Variants in TLN2 observed in about 807,000 individuals in gnomAD.
The protein encoded by TLN2 is talin 2, also known as talin-2.
A neutral mutation model predicts 294.7 loss-of-function variants in TLN2; 118 were observed. That is an observed-to-expected ratio of 0.40 (90% confidence interval 0.34 to 0.47). TLN2 has a LOEUF of 0.47. Ranked by LOEUF, TLN2 falls within the 20% of genes least tolerant of loss-of-function variation. TLN2 has a pLI of 0.84. For synonymous variants in TLN2, 1,431 were observed against 1,304.5 expected (o/e 1.10, Z -2.09); for missense variants, 3,083 against 3,282.2 (o/e 0.94, Z 1.48).
chr15:62,707,274 G>T, intron 20 of TLN2, 21 bp downstream of exon 20: 1 of 1,597,400 alleles, frequency 6.3e-7, no homozygotes, highest in Non-Finnish European at 8.6e-7. Flanking sequence ...TGGCACCCCA[G>T]CCCTTTCTAC....
chr15:62,580,845 C>CA (rs2044908114), intron 1 of TLN2, among the ~76,000 whole-genome samples: 1 of 75,806 alleles, frequency 1.3e-5, no homozygotes, highest in Non-Finnish European at 3.4e-5. Flanking sequence ...TTCCTGCCTT[C>CA]GCCCCGCCCC....
Position 62,722,475 on chromosome 15 carries a change from C to T in TLN2, c.3114C>T (p.Thr1038=), listed in dbSNP as rs750014835. ...CCACCAGCTTGGCGGAGCTGCGTAC[C>T]GCCTCGCAGAAGGCAAGTGGAGCGT... is the stretch of plus-strand genomic sequence containing the variant. ...NLATSLAELR[T]ASQKAHEACG... Residue 1038 remains threonine, a synonymous_variant, in exon 26 of 59, where the codon ACC becomes ACT. Transcript: ENST00000636159. The T allele has an allele frequency of 2.0e-5, 32 of 1,610,664 alleles. No individual in the cohort carries two copies. The East Asian group carries it at 2.5e-4, about 12-fold the overall frequency.
At chr15:62,736,794 G>A in intron 28 of TLN2, 84 bp from the exon 29 acceptor site, 1 of 1,442,822 alleles carries the variant, frequency 6.9e-7, no homozygotes, top group Non-Finnish European at 9.5e-7. Context: ...TCTGTGCCAG[G>A]CCCTGGTCCA....
chr15:62,771,162 T>C, intron 42 of TLN2, 28 bp downstream of exon 42: 1 of 1,564,798 alleles, frequency 6.4e-7, no homozygotes, highest in Non-Finnish European at 8.7e-7. Flanking sequence ...GGGGACTCAC[T>C]TAGGACCACT....
At chr15:62,529,158 A>G (rs2040899653) in intron 1 of TLN2, among the ~76,000 whole-genome samples, 1 of 151,672 alleles carries the variant, frequency 6.6e-6, no homozygotes, top group African/African-American at 2.4e-5. Context: ...TGGTGGCATG[A>G]TCATGACTCC....
intron 11 of TLN2, among the ~76,000 whole-genome samples, chr15:62,679,606 GTTT>G (rs2056611715): frequency 6.6e-6 from 1 of 152,236 alleles, no homozygotes; most frequent in Non-Finnish European, 1.5e-5. Context: ...TTGCTTAAGA[GTTT>G]GGTGTGGGAG....
intron 28 of TLN2, chr15:62,733,971 G>A (rs1186077896): frequency 1.3e-5 from 2 of 152,174 alleles, no homozygotes; most frequent in Admixed American, 6.5e-5. Context: ...ACCGCCATGG[G>A]TGTTCACTGG....
chr15:62,411,428 G>GTTGTGTGTGT, intron 1 of TLN2, among the ~76,000 whole-genome samples: 1 of 71,776 alleles, frequency 1.4e-5, no homozygotes, highest in Non-Finnish European at 3.1e-5. Context: ...GTGAGTAATG[G>GTTGTGTGTGT]ATGTGTGTGT....
At chr15:62,547,006 C>G (rs28622008) in intron 1 of TLN2, among the ~76,000 whole-genome samples, 8,479 of 152,214 alleles carry the variant, frequency 0.056, 423 homozygotes, top group African/African-American at 0.13. Context: ...CAGCGTTAAT[C>G]AGGGAGGAAA....
chr15:62,641,579 C>T (rs1019058897), intron 3 of TLN2, among the ~76,000 whole-genome samples: 4 of 151,892 alleles, frequency 2.6e-5, no homozygotes, highest in East Asian at 1.9e-4. Flanking sequence ...CCCGAGATTG[C>T]GCCACTGCAT....
intron 53 of TLN2, 132 bp from the exon 54 acceptor site, chr15:62,820,354 A>G: frequency 2.1e-6 from 1 of 466,120 alleles, no homozygotes; most frequent in Non-Finnish European, 3.1e-6. Flanking sequence ...AGACGGAAGG[A>G]AGGTTCCTTA....
At chr15:62,545,175 T>C (rs1483411834) in intron 1 of TLN2, among the ~76,000 whole-genome samples, 2 of 152,032 alleles carry the variant, frequency 1.3e-5, no homozygotes, top group African/African-American at 4.8e-5. Context: ...CCTGACCTCA[T>C]GATCTGCCCA....
intron 48 of TLN2, among the ~76,000 whole-genome samples, chr15:62,798,778 C>CCATG (rs2065710868): frequency 6.6e-6 from 1 of 152,228 alleles, no homozygotes; most frequent in Non-Finnish European, 1.5e-5. Context: ...CTGACAGCAC[C>CCATG]CATGAGTGGA....
intron 57 of TLN2, 69 bp from the exon 58 acceptor site, chr15:62,838,787 C>G: frequency 6.3e-7 from 1 of 1,579,408 alleles, no homozygotes. Context: ...ACTGTACCTT[C>G]ATGTCTATTC....
chr15:62,534,326 G>A (rs1190151772), intron 1 of TLN2, among the ~76,000 whole-genome samples: 1 of 152,234 alleles, frequency 6.6e-6, no homozygotes, highest in Admixed American at 6.5e-5. Flanking sequence ...GGCCAGCACA[G>A]ATTGTGGCCT....
chr15:62,720,023 T>A (rs1388398532), intron 25 of TLN2, 143 bp downstream of exon 25: 5 of 554,648 alleles, frequency 9.0e-6, no homozygotes, highest in Non-Finnish European at 1.4e-5. Context: ...TCTTTACCTT[T>A]CCAGTTTCAG....
At chr15:62,455,537 G>C (rs750645957) in intron 1 of TLN2, among the ~76,000 whole-genome samples, 2 of 152,170 alleles carry the variant, frequency 1.3e-5, no homozygotes, top group Non-Finnish European at 2.9e-5. Flanking sequence ...GTTGTGAGCT[G>C]TCTGTTGACT....
chr15:62,796,029 A>G, intron 46 of TLN2, 98 bp from the exon 47 acceptor site: 1 of 1,469,960 alleles, frequency 6.8e-7, no homozygotes, highest in Non-Finnish European at 9.2e-7. Context: ...TCTAAGCTAC[A>G]TCAACTCCTA....
At chr15:62,732,992 C>T (rs1040368905) in intron 28 of TLN2, among the ~76,000 whole-genome samples, 6 of 152,046 alleles carry the variant, frequency 3.9e-5, no homozygotes, top group African/African-American at 1.4e-4. Context: ...GTAGAGAAGG[C>T]TGGGCTGGAT....
Sources: gnomAD v4.1 joint callset for allele counts (sites outside exome capture counted in the v4.1 genomes callset) on GRCh38, gnomAD v4.1.1 for gene constraint, MANE v1.5 for transcripts, NCBI Gene and HGNC (gene_info 2026-07-23, HGNC 2026-07-21) for gene names.